EYA1: variants seen among roughly 807,000 people sequenced by gnomAD.
The protein encoded by EYA1 is EYA transcriptional coactivator and phosphatase 1.
In EYA1, 16 loss-of-function variants were observed where a neutral mutation model predicts 82.0. That is an observed-to-expected ratio of 0.20 (90% CI 0.13 to 0.30). The LOEUF (loss-of-function observed/expected upper bound fraction) is 0.30. Among genes scored for constraint, EYA1 ranks in the 10% least tolerant of loss-of-function variants. The probability of loss-of-function intolerance (pLI) is 1.00; values close to 1 mark genes in which losing one functional copy is unlikely to be tolerated. For synonymous variants in EYA1, 261 were observed against 264.4 expected, an observed-to-expected ratio of 0.99 and a Z score of 0.12; for missense variants, 633 against 730.7, an observed-to-expected ratio of 0.87 and a Z score of 1.54.
At position 71,395,692 on chromosome 8, in the gene EYA1, G is replaced by C. The variant is rs149536137; in HGVS notation, c.34-39181C>G. 2.9e-3 allele frequency among the ~76,000 whole-genome samples: 444 copies of C among 152,208 alleles called. 2 individuals are homozygous for C. The highest frequency in any genetic ancestry group is 1.0e-2 in the African/African-American group (415 of 41,536). ...TTTGATGTGCTGCAGGATTCGGCTT[G>C]CCAGTATTTTATTGAGGATTTTGCA... On this transcript the variant is annotated intron_variant, in intron 2 of 18. Transcript: ENST00000643681.
chr8:71,290,586 T>C (rs1818888005), intron 9 of EYA1, among the ~76,000 whole-genome samples: 1 of 152,106 alleles, frequency 6.6e-6, no homozygotes, highest in African/African-American at 2.4e-5. Flanking sequence ...CATCCTGACA[T>C]ATGGCTAAGT....
intron 12 of EYA1, among the ~76,000 whole-genome samples, chr8:71,230,667 C>T (rs1251001047): frequency 6.6e-6 from 1 of 152,192 alleles, no homozygotes; most frequent in Non-Finnish European, 1.5e-5. Flanking sequence ...TTCCTGGTAG[C>T]TTCACCCAAC....
intron 2 of EYA1, among the ~76,000 whole-genome samples, chr8:71,476,201 A>C (rs1251640877): frequency 1.3e-5 from 2 of 152,164 alleles, no homozygotes; most frequent in Admixed American, 6.6e-5. Context: ...GGTCTCAATG[A>C]GTACCGGGCT....
chr8:71,348,656 C>T (rs905731668), intron 3 of EYA1, among the ~76,000 whole-genome samples: 2 of 152,160 alleles, frequency 1.3e-5, no homozygotes, highest in African/African-American at 2.4e-5. Flanking sequence ...GCCTATCTGC[C>T]ACCCTACAAG....
chr8:71,233,477 T>G (rs1003621462), intron 12 of EYA1, among the ~76,000 whole-genome samples: 4 of 148,554 alleles, frequency 2.7e-5, no homozygotes, highest in South Asian at 4.2e-4. Context: ...GGCAGGAGAA[T>G]GGCATGAACC....
intron 7 of EYA1, among the ~76,000 whole-genome samples, chr8:71,307,118 G>T (rs1820814659): frequency 6.6e-6 from 1 of 152,126 alleles, no homozygotes. Flanking sequence ...TGGGGAGGGG[G>T]ACAGTTTGGA....
intron 12 of EYA1, among the ~76,000 whole-genome samples, chr8:71,241,775 A>G (rs900413870): frequency 5.3e-5 from 8 of 152,070 alleles, no homozygotes; most frequent in Admixed American, 1.3e-4. Flanking sequence ...CCCTGATGAG[A>G]TAATTCTGGT....
At chr8:71,448,839 A>T (rs1013954667) in intron 2 of EYA1, 1 of 168,010 alleles carries the variant, frequency 6.0e-6, no homozygotes, top group Admixed American at 6.5e-5. Flanking sequence ...TAAGAAACTG[A>T]ACTTTTCTGT....
rs3086593 is a variant in EYA1, at chr8:71,283,529, C to CT, written c.827-11633dup. 4.3e-3 allele frequency among the ~76,000 whole-genome samples: 629 copies of CT among 147,356 alleles called. 5 individuals are homozygous for CT. The highest frequency in any genetic ancestry group is 0.012 in the African/African-American group (467 of 40,356). On this transcript the variant is annotated intron_variant, in intron 9 of 17. Coordinates refer to ENST00000340726, the MANE Select transcript of EYA1 (RefSeq NM_000503.6). Reference sequence around the variant, plus strand: ...TGGAACATATCAGAGGCTCGTTAAACTTTTTTTTTTTTTCCACAACCTGGC... The same window carrying CT: ...TGGAACATATCAGAGGCTCGTTAAACTTTTTTTTTTTTTTCCACAACCTGGC...
intron 2 of EYA1, among the ~76,000 whole-genome samples, chr8:71,400,105 GA>G (rs1305006686): frequency 6.6e-6 from 1 of 152,032 alleles, no homozygotes; most frequent in African/African-American, 2.4e-5. Flanking sequence ...GCAGAAAATT[GA>G]AACTGGACCC....
At chr8:71,498,881 A>C (rs2129234624) in intron 2 of EYA1, among the ~76,000 whole-genome samples, 1 of 152,334 alleles carries the variant, frequency 6.6e-6, no homozygotes, top group East Asian at 1.9e-4. Flanking sequence ...AGTATGCATC[A>C]TCTTTGCACA....
At chr8:71,419,783 T>A (rs1352593767) in intron 2 of EYA1, among the ~76,000 whole-genome samples, 1 of 152,134 alleles carries the variant, frequency 6.6e-6, no homozygotes, top group East Asian at 1.9e-4. Context: ...ATTTAAATTC[T>A]AAGCTATATT....
At chr8:71,274,250 T>C (rs761506086) in intron 9 of EYA1, among the ~76,000 whole-genome samples, 2 of 152,202 alleles carry the variant, frequency 1.3e-5, no homozygotes, top group African/African-American at 2.4e-5. Flanking sequence ...CCTCCACTTC[T>C]GGAGGAAGAT....
chr8:71,350,137 A>C (rs1481259698), intron 3 of EYA1, among the ~76,000 whole-genome samples: 1 of 152,218 alleles, frequency 6.6e-6, no homozygotes, highest in Non-Finnish European at 1.5e-5. Context: ...TGTAAACAAT[A>C]ATAAAGTTAT....
intron 4 of EYA1, among the ~76,000 whole-genome samples, chr8:71,322,781 A>G (rs1011628622): frequency 1.3e-5 from 2 of 152,196 alleles, no homozygotes. Flanking sequence ...ATTTGCCTGC[A>G]TTGATTTAGC....
chr8:71,366,538 A>G (rs922979005), upstream of EYA1, among the ~76,000 whole-genome samples: 7 of 152,284 alleles, frequency 4.6e-5, no homozygotes, highest in Middle Eastern at 3.4e-3. Flanking sequence ...CTCCCAAAAC[A>G]TGTAAGAGGA....
At chr8:71,530,055 C>G (rs1032872259) in intron 2 of EYA1, 3 of 152,088 alleles carry the variant, frequency 2.0e-5, no homozygotes, top group South Asian at 2.1e-4. Flanking sequence ...AAATCCTAAT[C>G]CCCAGTATCT....
At chr8:71,477,195 A>G (rs1809731660) in intron 2 of EYA1, among the ~76,000 whole-genome samples, 1 of 152,162 alleles carries the variant, frequency 6.6e-6, no homozygotes, top group African/African-American at 2.4e-5. Context: ...AATACCAAAA[A>G]TACAAGCAAT....
intron 1 of EYA1, among the ~76,000 whole-genome samples, chr8:71,360,024 C>T (rs1044531968): frequency 6.6e-6 from 1 of 152,060 alleles, no homozygotes; most frequent in African/African-American, 2.4e-5. Context: ...AAAATAAAAA[C>T]CTAAACCTAA....
Sources: gnomAD v4.1 joint callset for allele counts (sites outside exome capture counted in the v4.1 genomes callset) on GRCh38, gnomAD v4.1.1 for gene constraint, MANE v1.5 for transcripts, NCBI Gene and HGNC (gene_info 2026-07-23, HGNC 2026-07-21) for gene names.